The following MLLT10 variants were observed in gnomAD, a reference collection of about 807,000 sequenced individuals.
MLLT10 encodes the protein protein AF-10.
Under a neutral mutation model 129.1 loss-of-function variants are expected in MLLT10, and 30 were observed. The observed-to-expected ratio is 0.23, with a 90% CI of 0.17 to 0.32. The LOEUF is 0.32. MLLT10 is among the 10% of genes least tolerant of loss of function. The pLI is 1.00. For synonymous variants in MLLT10, 490 were observed against 446.4 expected (o/e 1.10, Z -1.23); for missense variants, 1,119 against 1,268.3 (o/e 0.88, Z 1.79).
intron 3 of MLLT10, among the ~76,000 whole-genome samples, chr10:21,576,404 G>A (rs1463263681): frequency 4.6e-5 from 7 of 151,424 alleles, no homozygotes; most frequent in African/African-American, 9.7e-5. Flanking sequence ...CACCACGCCC[G>A]GCTAATTTTT....
intron 5 of MLLT10, among the ~76,000 whole-genome samples, chr10:21,601,414 C>T (rs1055393158): frequency 2.0e-5 from 3 of 152,204 alleles, no homozygotes; most frequent in Non-Finnish European, 4.4e-5. Context: ...GCAAGCATTC[C>T]AATCTAAACT....
Position 21,577,596 on chromosome 10 carries a change from C to T in MLLT10, c.241-8698C>T, listed in dbSNP as rs530892359. Reference sequence around the variant, plus strand: ...AAGTGATTCTTCTGCCTCAGCCTCCCGAGTAGCTGGGATTACAGGCACCCA... The same window carrying T: ...AAGTGATTCTTCTGCCTCAGCCTCCTGAGTAGCTGGGATTACAGGCACCCA... On this transcript the variant is annotated intron_variant, in intron 3 of 22. Transcript: ENST00000307729. Among the ~76,000 whole-genome samples, 97 of 151,762 alleles carry T rather than the reference C, an allele frequency of 6.4e-4. 1 individual carries two copies. Among genetic ancestry groups the T allele is most frequent in the African/African-American group, 2.3e-3 (94 of 41,364 alleles).
intron 13 of MLLT10, among the ~76,000 whole-genome samples, chr10:21,688,819 AT>A (rs1443542140): frequency 6.6e-6 from 1 of 152,130 alleles, no homozygotes; most frequent in African/African-American, 2.4e-5. Flanking sequence ...CCTAGGTCTG[AT>A]TTTGTGAAGA....
chr10:21,559,100 T>C (rs139625222), intron 3 of MLLT10, among the ~76,000 whole-genome samples: 1 of 152,358 alleles, frequency 6.6e-6, no homozygotes, highest in East Asian at 1.9e-4. Flanking sequence ...TTCTTTCTTT[T>C]TGAGACAGAA....
At chr10:21,612,542 A>G in intron 6 of MLLT10, 91 bp downstream of exon 6, 1 of 669,226 alleles carries the variant, frequency 1.5e-6, no homozygotes, top group East Asian at 2.8e-5. Flanking sequence ...TCAAACATTA[A>G]TTATGGTAAA....
intron 14 of MLLT10, among the ~76,000 whole-genome samples, chr10:21,714,855 A>G (rs1290267227): frequency 1.3e-5 from 2 of 152,148 alleles, no homozygotes; most frequent in Non-Finnish European, 2.9e-5. Context: ...AGAGTCATAT[A>G]AGAGAAATTG....
intron 9 of MLLT10, among the ~76,000 whole-genome samples, chr10:21,654,697 C>T (rs982893234): frequency 2.0e-5 from 3 of 152,058 alleles, no homozygotes; most frequent in Admixed American, 6.5e-5. Context: ...TCTCTATGGA[C>T]GTGGGCACAG....
chr10:21,609,481 T>C (rs912221725), intron 5 of MLLT10, among the ~76,000 whole-genome samples: 2 of 152,178 alleles, frequency 1.3e-5, no homozygotes, highest in African/African-American at 2.4e-5. Context: ...ATTGATGCAT[T>C]TGTATTTGGC....
intron 9 of MLLT10, among the ~76,000 whole-genome samples, chr10:21,660,216 C>T (rs193290944): frequency 7.9e-5 from 12 of 151,964 alleles, no homozygotes; most frequent in Non-Finnish European, 1.3e-4. Context: ...ATTTGCCCCC[C>T]CTTAACCCAC....
At chr10:21,722,711 T>G (rs2057218886) in intron 14 of MLLT10, among the ~76,000 whole-genome samples, 1 of 152,178 alleles carries the variant, frequency 6.6e-6, no homozygotes, top group African/African-American at 2.4e-5. Context: ...ATCTTTCCAC[T>G]AAAAGGTGGG....
rs559642176 is a variant in MLLT10 at position 21,626,442 on chromosome 10, C to T, written c.699+9235C>T. On this transcript the variant is annotated intron_variant, in intron 8 of 22. Coordinates refer to ENST00000307729, the MANE Select transcript of MLLT10 (RefSeq NM_001195626.3). ...AGGGGAAGCAGGTACGTGTGCAGAACGGGAGACCAAACATGAGAGGCAGCC... is the reference window on the plus strand; with the variant it reads ...AGGGGAAGCAGGTACGTGTGCAGAATGGGAGACCAAACATGAGAGGCAGCC... Among the ~76,000 whole-genome samples, 10 of 152,212 alleles carry T rather than the reference C, an allele frequency of 6.6e-5. No homozygotes were observed. In the East Asian group the frequency reaches 1.5e-3, roughly 24 times the overall value.
intron 3 of MLLT10, among the ~76,000 whole-genome samples, chr10:21,562,828 T>G (rs528769091): frequency 6.4e-5 from 9 of 139,626 alleles, no homozygotes; most frequent in East Asian, 2.0e-4. Context: ...GTTTTTTTTT[T>G]TTTTTTTTTT....
In MLLT10 at chr10:21,690,794, A is replaced by C. The variant is rs141753286; in HGVS notation, c.1699+8537A>C. On this transcript the variant is annotated intron_variant, in intron 13 of 22. Coordinates refer to ENST00000307729, the MANE Select transcript of MLLT10 (RefSeq NM_001195626.3). The stretch of plus-strand genomic sequence containing the variant: ...ACTAATTTGAGGCTTTCTAGACATG[A>C]CTTTTGTATTTAATTTTTCTTTATC... Among the ~76,000 whole-genome samples, 979 of 152,052 alleles carry C rather than the reference A, an allele frequency of 6.4e-3. 15 individuals carry two copies. The highest frequency in any genetic ancestry group is 0.017 in the Middle Eastern group (5 of 294).
chr10:21,553,896 C>T (rs778856338), intron 3 of MLLT10, among the ~76,000 whole-genome samples: 3 of 152,126 alleles, frequency 2.0e-5, no homozygotes, highest in Non-Finnish European at 2.9e-5. Flanking sequence ...GTGATCTGCC[C>T]GTCTCAGCCT....
chr10:21,574,177 C>CT (rs1564436937), intron 3 of MLLT10, among the ~76,000 whole-genome samples: 2 of 152,056 alleles, frequency 1.3e-5, no homozygotes, highest in African/African-American at 4.8e-5. Context: ...CTCAGATTTT[C>CT]TGTTTTATCA....
At chr10:21,707,064 C>T (rs1475693275) in intron 13 of MLLT10, among the ~76,000 whole-genome samples, 2 of 152,094 alleles carry the variant, frequency 1.3e-5, no homozygotes, top group African/African-American at 4.8e-5. Flanking sequence ...TTTAAGAAAA[C>T]TTCCATTCCT....
intron 15 of MLLT10, 38 bp downstream of exon 15, chr10:21,726,393 C>G (rs1382628771): frequency 7.1e-7 from 1 of 1,409,162 alleles, no homozygotes; most frequent in South Asian, 1.2e-5. Flanking sequence ...AAACCCTACT[C>G]TCACCTACTT....
At chr10:21,570,563 C>A (rs552618185) in intron 3 of MLLT10, among the ~76,000 whole-genome samples, 3 of 150,828 alleles carry the variant, frequency 2.0e-5, no homozygotes, top group African/African-American at 7.3e-5. Flanking sequence ...TCAATTATCA[C>A]GTATTACATT....
At chr10:21,617,012 A>G in intron 7 of MLLT10, 100 bp from the exon 8 acceptor site, 3 of 445,808 alleles carry the variant, frequency 6.7e-6, no homozygotes, top group Non-Finnish European at 1.1e-5. Flanking sequence ...AGTAGACATT[A>G]AAAATACTTT....
Sources: allele counts gnomAD v4.1 joint callset (sites outside exome capture counted in the v4.1 genomes callset), GRCh38; gene constraint gnomAD v4.1.1; transcripts MANE v1.5; gene names NCBI Gene and HGNC (gene_info 2026-07-23, HGNC 2026-07-21).